Variants in SNX29 observed in about 807,000 individuals in gnomAD.
SNX29 encodes sorting nexin-29.
In SNX29, 78 loss-of-function variants were observed where a neutral mutation model predicts 102.1. The observed-to-expected ratio is 0.76, with a 90% CI of 0.64 to 0.92. The LOEUF (loss-of-function observed/expected upper bound fraction) is 0.92. Ranked by LOEUF, SNX29 falls within the 40% of genes least tolerant of loss-of-function variation. The pLI is 0.00. For synonymous variants in SNX29, 580 were observed against 414.5 expected, an observed-to-expected ratio of 1.40 and a Z score of -4.85; for missense variants, 1,280 against 1,061.7, an observed-to-expected ratio of 1.21 and a Z score of -2.86.
intron 14 of SNX29, among the ~76,000 whole-genome samples, chr16:12,267,238 G>C (rs947493867): frequency 1.6e-5 from 2 of 121,304 alleles, no homozygotes; most frequent in African/African-American, 7.3e-5. Flanking sequence ...ATGTTAGCAT[G>C]GGTGCGAGTG....
intron 20 of SNX29, among the ~76,000 whole-genome samples, chr16:12,533,322 T>C (rs541518825): frequency 6.6e-6 from 1 of 152,226 alleles, no homozygotes; most frequent in African/African-American, 2.4e-5. Context: ...CGTGGGCTGG[T>C]ACCTGTGGCC....
intron 13 of SNX29, among the ~76,000 whole-genome samples, chr16:12,194,205 T>G (rs1255865478): frequency 6.6e-6 from 1 of 152,204 alleles, no homozygotes; most frequent in African/African-American, 2.4e-5. Flanking sequence ...CTGGACACAT[T>G]TTGTTAGATT....
At chr16:12,531,163 G>T (rs1281223341) in intron 20 of SNX29, among the ~76,000 whole-genome samples, 1 of 152,178 alleles carries the variant, frequency 6.6e-6, no homozygotes, top group African/African-American at 2.4e-5. Context: ...GGATCGAAGG[G>T]GAAGCCACTC....
chr16:12,572,905 C>T lies in SNX29; in HGVS notation c.*4276C>T. Reference sequence around the variant, plus strand: ...TCTGCCTTGGCATTTCGCTCGGAATCACGGCAGACTTGGAGTGTTTCTTCA... The same window carrying T: ...TCTGCCTTGGCATTTCGCTCGGAATTACGGCAGACTTGGAGTGTTTCTTCA... On this transcript the variant is annotated 3_prime_UTR_variant, in exon 21 of 21. Coordinates refer to ENST00000566228, the MANE Select transcript of SNX29 (RefSeq NM_032167.5). 1 of 1,018,490 alleles carries T rather than the reference C, an allele frequency of 9.8e-7. No individual in the cohort carries two copies. Among genetic ancestry groups the T allele is most frequent in the Non-Finnish European group, 1.2e-6 (1 of 837,182 alleles). 63.1% of individuals were successfully genotyped at this position (1,018,490 alleles called of 1,614,324 possible). A position where few individuals can be genotyped will look rare whatever the true frequency, so the allele number is the denominator to read the frequency against.
intron 19 of SNX29, among the ~76,000 whole-genome samples, chr16:12,499,351 C>T (rs1300273301): frequency 6.6e-6 from 1 of 152,232 alleles, no homozygotes; most frequent in Non-Finnish European, 1.5e-5. Context: ...GGCTTCACTG[C>T]TAAGTTCCAG....
intron 18 of SNX29, among the ~76,000 whole-genome samples, chr16:12,415,215 G>T (rs2084578741): frequency 6.6e-6 from 1 of 152,266 alleles, no homozygotes; most frequent in Non-Finnish European, 1.5e-5. Context: ...CTGTCTGCAG[G>T]TTGGAAGTCC....
chr16:12,208,990 T>G (rs1431474123), intron 14 of SNX29, among the ~76,000 whole-genome samples: 1 of 152,172 alleles, frequency 6.6e-6, no homozygotes, highest in Admixed American at 6.5e-5. Context: ...TACATTGTGG[T>G]GTCATTTACA....
intron 13 of SNX29, among the ~76,000 whole-genome samples, chr16:12,193,536 G>C (rs528940322): frequency 7.3e-5 from 11 of 151,276 alleles, no homozygotes; most frequent in Non-Finnish European, 1.2e-4. Flanking sequence ...TACTCTGGAC[G>C]ATGCTTTTAG....
At chr16:12,390,549 G>T (rs2083494947) in intron 16 of SNX29, among the ~76,000 whole-genome samples, 1 of 152,164 alleles carries the variant, frequency 6.6e-6, no homozygotes, top group African/African-American at 2.4e-5. Flanking sequence ...GGAATGTAGT[G>T]CAAATCTGTG....
intron 20 of SNX29, among the ~76,000 whole-genome samples, chr16:12,558,183 T>TA (rs1452393382): frequency 1.3e-5 from 2 of 151,794 alleles, no homozygotes; most frequent in African/African-American, 4.8e-5. Context: ...TCTCAGTTTT[T>TA]AATAATTACG....
At chr16:12,420,800 T>C (rs1207254570) in intron 18 of SNX29, among the ~76,000 whole-genome samples, 1 of 152,176 alleles carries the variant, frequency 6.6e-6, no homozygotes, top group Non-Finnish European at 1.5e-5. Context: ...ACCAAGCTCA[T>C]GCTTCAGGGT....
chr16:12,299,825 T>C (rs1346811509), intron 15 of SNX29, among the ~76,000 whole-genome samples: 7 of 151,624 alleles, frequency 4.6e-5, no homozygotes, highest in African/African-American at 1.7e-4. Flanking sequence ...TTAATATTTG[T>C]ATCTTTTTTC....
chr16:12,040,916 C>G (rs936528251), intron 4 of SNX29, among the ~76,000 whole-genome samples: 3 of 152,130 alleles, frequency 2.0e-5, no homozygotes, highest in Non-Finnish European at 2.9e-5. Flanking sequence ...TGGGTTCAAG[C>G]GATTCTCCTG....
At chr16:11,993,561 C>G (rs1017801536) in intron 1 of SNX29, among the ~76,000 whole-genome samples, 1 of 152,118 alleles carries the variant, frequency 6.6e-6, no homozygotes, top group African/African-American at 2.4e-5. Flanking sequence ...GTGCACAATA[C>G]AATTTCCCTC....
rs903315036 is a variant in SNX29, at chr16:12,404,673, G to T, written c.2037+1144G>T. 4.5e-4 allele frequency among the ~76,000 whole-genome samples: 69 copies of T among 152,316 alleles called. 1 individual carries two copies. The highest frequency in any genetic ancestry group is 1.6e-3 in the African/African-American group (68 of 41,574). ...GATATTTTTCCCCAAAGAGTGGGGTGTTGAAGAAAGGACACTGAACTTGAA... is the reference window on the plus strand; with the variant it reads ...GATATTTTTCCCCAAAGAGTGGGGTTTTGAAGAAAGGACACTGAACTTGAA... On this transcript the variant is annotated intron_variant, in intron 18 of 20. Transcript: ENST00000566228.
At chr16:12,361,272 G>T (rs1366182183) in intron 16 of SNX29, among the ~76,000 whole-genome samples, 1 of 152,206 alleles carries the variant, frequency 6.6e-6, no homozygotes, top group African/African-American at 2.4e-5. Flanking sequence ...CAAGAGAGGG[G>T]CTCAGTGGGC....
chr16:12,443,519 C>T (rs1183534759), intron 18 of SNX29, among the ~76,000 whole-genome samples: 1 of 152,162 alleles, frequency 6.6e-6, no homozygotes, highest in African/African-American at 2.4e-5. Context: ...GTGGTGCTAT[C>T]TTGGTTCACT....
At chr16:12,249,968 G>C (rs1043725506) in intron 14 of SNX29, among the ~76,000 whole-genome samples, 2 of 152,204 alleles carry the variant, frequency 1.3e-5, no homozygotes, top group African/African-American at 4.8e-5. Context: ...TTGGCAGGTG[G>C]GGAGGGCAGA....
chr16:12,499,459 TC>T (rs2088999087), intron 19 of SNX29, among the ~76,000 whole-genome samples: 1 of 152,256 alleles, frequency 6.6e-6, no homozygotes, highest in African/African-American at 2.4e-5. Context: ...AATGAAGGCG[TC>T]TTGGGGATCC....
Sources: gnomAD v4.1 joint callset for allele counts (sites outside exome capture counted in the v4.1 genomes callset) on GRCh38, gnomAD v4.1.1 for gene constraint, MANE v1.5 for transcripts, NCBI Gene and HGNC (gene_info 2026-07-23, HGNC 2026-07-21) for gene names.